SNAPC1: variants seen among roughly 807,000 people sequenced by gnomAD.
The protein encoded by SNAPC1 is small nuclear RNA activating complex polypeptide 1.
Under a neutral mutation model 50.1 loss-of-function variants are expected in SNAPC1, and 42 were observed. That is an observed-to-expected ratio of 0.84 (90% CI 0.65 to 1.08). The LOEUF (loss-of-function observed/expected upper bound fraction) is 1.08. SNAPC1 is among the 50% of genes least tolerant of loss of function. The pLI is 0.00. For missense variants in SNAPC1, 477 were observed against 427.3 expected (o/e 1.12, Z -1.02); for synonymous variants, 164 against 144.2 (o/e 1.14, Z -0.98).
At chr14:61,788,688 G>GTTAT (rs2045131593) in intron 8 of SNAPC1, among the ~76,000 whole-genome samples, 1 of 152,068 alleles carries the variant, frequency 6.6e-6, no homozygotes, top group Non-Finnish European at 1.5e-5. Flanking sequence ...GAAAGTGTGA[G>GTTAT]GAAATAAAAT....
chr14:61,791,886 A>C (rs1222551535), intron 8 of SNAPC1, among the ~76,000 whole-genome samples: 2 of 152,122 alleles, frequency 1.3e-5, no homozygotes, highest in Non-Finnish European at 2.9e-5. Flanking sequence ...GTTTATATTA[A>C]ATGGCTTCAT....
At chr14:61,794,161 A>G (rs2045171855) in intron 9 of SNAPC1, among the ~76,000 whole-genome samples, 2 of 152,146 alleles carry the variant, frequency 1.3e-5, no homozygotes, top group Admixed American at 1.3e-4. Context: ...TTTAATTGAA[A>G]TGAAATTGAA....
chr14:61,793,585 TTTCTC>T (rs776663975), intron 9 of SNAPC1, among the ~76,000 whole-genome samples: 1 of 151,920 alleles, frequency 6.6e-6, no homozygotes, highest in Non-Finnish European at 1.5e-5. Context: ...TTACTTGTCT[TTTCTC>T]TTTTTCTTTT....
chr14:61,793,367 T>G (rs2045166315), intron 9 of SNAPC1, among the ~76,000 whole-genome samples: 1 of 151,906 alleles, frequency 6.6e-6, no homozygotes, highest in Admixed American at 6.6e-5. Context: ...CTCAGCCTCT[T>G]GAGTCACTGG....
chr14:61,766,801 A>G (rs377002053), intron 1 of SNAPC1, 75 bp from the exon 2 acceptor site: 4 of 757,766 alleles, frequency 5.3e-6, no homozygotes, highest in Non-Finnish European at 8.7e-6. Context: ...CCGTTTAAAC[A>G]AGTATATACT....
chr14:61,793,588 C>A lies in SNAPC1; in HGVS notation c.1072+686C>A, dbSNP rs148001437. Among the ~76,000 whole-genome samples, 658 of 151,316 alleles carry A rather than the reference C, an allele frequency of 4.3e-3. 3 individuals are homozygous for A. Among genetic ancestry groups the A allele is most frequent in the African/African-American group, 0.015 (618 of 41,292 alleles). On this transcript the variant is annotated intron_variant, in intron 9 of 9. Coordinates refer to ENST00000216294, the MANE Select transcript of SNAPC1 (RefSeq NM_003082.4). ...AATTTGTTTTTTTTACTTGTCTTTT[C>A]TCTTTTTCTTTTTCTGCCATTTCCC...
Position 61,782,322 on chromosome 14 carries a change from G to T in SNAPC1, c.901G>T (p.Val301Phe), listed in dbSNP as rs1357278126. 6 of 1,613,582 alleles carry T rather than the reference G, an allele frequency of 3.7e-6. No homozygotes were observed. The highest frequency in any genetic ancestry group is 4.2e-6 in the Non-Finnish European group (5 of 1,179,760). The change falls in exon 8 of 10, where the codon GTC becomes TTC. Residue 301 changes from valine to phenylalanine, a missense_variant. Val to Phe is a conservative substitution (Grantham distance 50). Transcript: ENST00000216294. Reference sequence around the variant, plus strand: ...TGATTCTGCATCTGGTCAAGGGCAAGTCAAAGCAACTAGGAAAAAAGAGAA... The same window carrying T: ...TGATTCTGCATCTGGTCAAGGGCAATTCAAAGCAACTAGGAAAAAAGAGAA... ...DSDSASGQGQ[V>F]KATRKKEKKE...
Position 61,778,088 on chromosome 14 carries a change from CA to C in SNAPC1, c.715del (p.Thr239LeufsTer24). The C allele has an allele frequency of 6.3e-7, 1 of 1,597,170 alleles. No homozygotes were observed. ...CTCTTTTAGAATCCATCCTTAAAGT[CA>C]AAAACTAATGATGGAGAAGAAAAAA... ...HKDRKNPSLK[S>X]KTNDGEEKME... On this transcript the variant is annotated frameshift_variant, in exon 6 of 10. Transcript: ENST00000216294. LOFTEE classifies it high-confidence loss of function.
chr14:61,778,261 G>A (rs980621471), intron 6 of SNAPC1, 121 bp downstream of exon 6: 8 of 576,790 alleles, frequency 1.4e-5, no homozygotes. Context: ...TCTGTGAAAA[G>A]GTAGTTTGTT....
At chr14:61,782,508 AT>A in intron 8 of SNAPC1, 111 bp downstream of exon 8, 1 of 728,936 alleles carries the variant, frequency 1.4e-6, no homozygotes. Flanking sequence ...GTTTGAGAAC[AT>A]TTTTGTGAGA....
intron 9 of SNAPC1, among the ~76,000 whole-genome samples, chr14:61,794,543 C>T (rs951038941): frequency 2.0e-5 from 3 of 152,046 alleles, no homozygotes; most frequent in African/African-American, 7.2e-5. Context: ...GTAGCTGGTA[C>T]TATAGACATG....
intron 5 of SNAPC1, among the ~76,000 whole-genome samples, chr14:61,777,502 A>G (rs6573402): frequency 0.2 from 29,828 of 151,998 alleles, 3,168 homozygotes; most frequent in African/African-American, 0.27. Context: ...CTCAGCCTTC[A>G]GTGTAACTGG....
At chr14:61,778,017 T>C in intron 5 of SNAPC1, 55 bp from the exon 6 acceptor site, 5 of 809,704 alleles carry the variant, frequency 6.2e-6, no homozygotes, top group Non-Finnish European at 9.6e-6. Context: ...TGCAGTTAAT[T>C]GAATTGTAAA....
chr14:61,789,700 A>G (rs1293033860), intron 8 of SNAPC1, among the ~76,000 whole-genome samples: 1 of 152,200 alleles, frequency 6.6e-6, no homozygotes, highest in Non-Finnish European at 1.5e-5. Context: ...GGGGAGTTAA[A>G]TGTTAAAAGT....
intron 9 of SNAPC1, among the ~76,000 whole-genome samples, 154 bp from the exon 10 acceptor site, chr14:61,794,795 T>A (rs1046794936): frequency 6.6e-6 from 1 of 152,236 alleles, no homozygotes; most frequent in African/African-American, 2.4e-5. Flanking sequence ...GTCTTTGCTG[T>A]GAGGGCATTC....
At chr14:61,782,589 A>T (rs1387853476) in intron 8 of SNAPC1, among the ~76,000 whole-genome samples, 192 bp downstream of exon 8, 1 of 152,222 alleles carries the variant, frequency 6.6e-6, no homozygotes, top group Non-Finnish European at 1.5e-5. Flanking sequence ...TAGGAATCAT[A>T]TCAAATGTAT....
At chr14:61,794,162 T>A (rs1016897686) in intron 9 of SNAPC1, among the ~76,000 whole-genome samples, 1 of 152,166 alleles carries the variant, frequency 6.6e-6, no homozygotes, top group Non-Finnish European at 1.5e-5. Context: ...TTAATTGAAA[T>A]GAAATTGAAA....
At chr14:61,764,197 CT>C (rs1309623958) in intron 1 of SNAPC1, among the ~76,000 whole-genome samples, 1 of 152,182 alleles carries the variant, frequency 6.6e-6, no homozygotes, top group Non-Finnish European at 1.5e-5. Flanking sequence ...TTTGACTAGA[CT>C]GACCTCTGTG....
intron 9 of SNAPC1, among the ~76,000 whole-genome samples, chr14:61,793,257 C>T (rs1440977868): frequency 6.6e-6 from 1 of 151,900 alleles, no homozygotes; most frequent in African/African-American, 2.4e-5. Flanking sequence ...TTTCATGAGA[C>T]AGGGTCTTGC....
Sources: allele counts gnomAD v4.1 joint callset (sites outside exome capture counted in the v4.1 genomes callset), GRCh38; gene constraint gnomAD v4.1.1; transcripts MANE v1.5; gene names NCBI Gene and HGNC (gene_info 2026-07-23, HGNC 2026-07-21).